Variants in BRCA2 observed in about 807,000 individuals in gnomAD.
BRCA2 encodes breast cancer type 2 susceptibility protein.
In BRCA2, 203 loss-of-function variants were observed where a neutral mutation model predicts 276.7. That is an observed-to-expected ratio of 0.73 (90% CI 0.65 to 0.82). BRCA2 has a LOEUF of 0.82. Among genes scored for constraint, BRCA2 ranks in the 40% least tolerant of loss-of-function variants. BRCA2 has a pLI of 0.00. For missense variants in BRCA2, 3,920 were observed against 3,915.0 expected, an observed-to-expected ratio of 1.00 and a Z score of -0.03; for synonymous variants, 1,289 against 1,338.4, an observed-to-expected ratio of 0.96 and a Z score of 0.81.
In BRCA2 at chr13:32,357,833, A is replaced by C; in HGVS notation, c.7709A>C (p.Lys2570Thr). 1 of 1,614,042 alleles carries C rather than the reference A, an allele frequency of 6.2e-7. No homozygotes were observed. Among genetic ancestry groups the C allele is most frequent in the South Asian group, 1.1e-5 (1 of 91,074 alleles). The change falls in exon 16 of 27, where the codon AAG becomes ACG. Residue 2570 changes from lysine to threonine, a missense_variant. Physicochemically the swap from Lys to Thr is moderately conservative, Grantham distance 78. This residue lies in a region of BRCA2 where 3,263 missense variants were observed against 3,156.9 expected (regional missense o/e 1.03). Coordinates refer to ENST00000380152, the MANE Select transcript of BRCA2 (RefSeq NM_000059.4). ...TTTCACACTGAAGATTATTTTGGTA[A>C]GGAAAGTTTATGGACTGGAAAAGGA... is the stretch of plus-strand genomic sequence containing the variant. ...FQFHTEDYFG[K>T]ESLWTGKGIQ...
In BRCA2 at chr13:32,338,288, A is replaced by G. The variant is rs2137501366; in HGVS notation, c.3933A>G (p.Glu1311=). The G allele has an allele frequency of 1.3e-6, 2 of 1,573,966 alleles. No homozygotes were observed. Among genetic ancestry groups the G allele is most frequent in the Non-Finnish European group, 1.7e-6 (2 of 1,162,378 alleles). Residue 1311 remains glutamate, a synonymous_variant, in exon 11 of 27, where the codon GAA becomes GAG. Coordinates refer to ENST00000380152, the MANE Select transcript of BRCA2 (RefSeq NM_000059.4). ...TTGTFVEEIT[E]NYKRNTENED... The stretch of plus-strand genomic sequence containing the variant: ...GCACTTTTGTTGAAGAAATTACTGA[A>G]AATTACAAGAGAAATACTGAAAATG...
chr13:32,362,293 A>G (rs1369764783), intron 16 of BRCA2, among the ~76,000 whole-genome samples: 2 of 152,110 alleles, frequency 1.3e-5, no homozygotes, highest in African/African-American at 4.8e-5. Context: ...GCTTCCCAAA[A>G]TGCTGGGAGT....
At chr13:32,396,877 C>T (rs1313499365) in intron 25 of BRCA2, 21 bp from the exon 26 acceptor site, 1 of 1,613,810 alleles carries the variant, frequency 6.2e-7, no homozygotes, top group East Asian at 2.2e-5. Flanking sequence ...TATAAAGCAG[C>T]TTTTCCACTT....
rs1064795908 is a variant in BRCA2, at chr13:32,337,470, CCTA to C, written c.3119_3121del (p.Thr1040del). On this transcript the variant is annotated inframe_deletion, in exon 11 of 27. Transcript: ENST00000380152. ...CTTCAAAGATATTGAAGAACAATAT[CCTA>C]CTAGTTTAGCTTGTGTTGAAATTGT... 2 of 1,612,062 alleles carry C rather than the reference CCTA, an allele frequency of 1.2e-6. No individual in the cohort carries two copies. The highest frequency in any genetic ancestry group is 2.7e-5 in the African/African-American group (2 of 74,924).
rs1476681505 is a variant in BRCA2 at position 32,398,175 on chromosome 13, A to C, written c.9662A>C (p.Asn3221Thr). 8 of 1,609,612 alleles carry C rather than the reference A, an allele frequency of 5.0e-6. No homozygotes were observed. The highest frequency in any genetic ancestry group is 6.8e-6 in the Non-Finnish European group (8 of 1,177,658). Residue 3221 changes from asparagine (N) to threonine (T), a missense_variant, in exon 27 of 27, where the codon AAT becomes ACT. Around this residue, in one of 2 missense-constraint regions of BRCA2, gnomAD observed 657 missense variants for 758.2 expected, o/e 0.87. Transcript: ENST00000380152. ...TGNKLLMSSP[N>T]CEIYYQSPLS... ...TTTTTTTATCAGATGTCTTCTCCTAATTGTGAGATATATTATCAAAGTCCT... is the reference window on the plus strand; with the variant it reads ...TTTTTTTATCAGATGTCTTCTCCTACTTGTGAGATATATTATCAAAGTCCT...
rs80358983 is a variant in BRCA2 at position 32,356,553 on chromosome 13, A to G, written c.7561A>G (p.Ile2521Val). Residue 2521 changes from isoleucine to valine, a missense_variant, in exon 15 of 27, where the codon ATC (isoleucine) becomes GTC (valine). Physicochemically the swap from Ile to Val is conservative, Grantham distance 29 (BLOSUM62 3). Transcript: ENST00000380152. The part of the protein sequence containing the change: ...YLAKTSTLPR[I>V]SLKAAVGGQV... ...TGCAAAAACATCCACTCTGCCTCGA[A>G]TCTCTCTGAAAGCAGCAGTAGGAGG... 1 of 1,614,202 alleles carries G rather than the reference A, an allele frequency of 6.2e-7. No individual in the cohort carries two copies. The highest frequency in any genetic ancestry group is 8.5e-7 in the Non-Finnish European group (1 of 1,180,032).
In BRCA2 at chr13:32,379,368, T is replaced by C. The variant is rs80359137; in HGVS notation, c.8806T>C (p.Leu2936=). Residue 2936 remains leucine, a synonymous_variant, in exon 22 of 27, where the codon TTG becomes CTG. Transcript: ENST00000380152. ...LRALNNHRQM[L]NDKKQAQIQL... is the part of the protein sequence containing the mutation. ...AGCCTTGAATAATCACAGGCAAATG[T>C]TGAATGATAAGAAACAAGCTCAGAT... 6.2e-7 allele frequency: 1 copy of C among 1,613,844 alleles called. No homozygotes were observed. The highest frequency in any genetic ancestry group is 8.5e-7 in the Non-Finnish European group (1 of 1,179,862).
intron 8 of BRCA2, among the ~76,000 whole-genome samples, chr13:32,330,665 T>C (rs1323137254): frequency 6.6e-6 from 1 of 152,214 alleles, no homozygotes. Flanking sequence ...AGTTTTTTTT[T>C]CTCCATTTCC....
intron 18 of BRCA2, among the ~76,000 whole-genome samples, chr13:32,367,320 C>T (rs561066096): frequency 2.0e-4 from 31 of 151,914 alleles, no homozygotes; most frequent in African/African-American, 6.5e-4. Flanking sequence ...TCTGTAATCC[C>T]AGCTATTTGG....
intron 24 of BRCA2, among the ~76,000 whole-genome samples, chr13:32,390,577 T>G (rs181580584): frequency 5.3e-5 from 8 of 152,334 alleles, no homozygotes; most frequent in Non-Finnish European, 1.2e-4. Flanking sequence ...TCTCCCCCTC[T>G]TGATGAATTT....
At chr13:32,343,996 C>T (rs940805269) in intron 11 of BRCA2, among the ~76,000 whole-genome samples, 16 of 151,842 alleles carry the variant, frequency 1.1e-4, no homozygotes, top group Non-Finnish European at 1.9e-4. Flanking sequence ...AAATGCCTAC[C>T]TTGAATTATG....
At position 32,319,062 on chromosome 13, in the gene BRCA2, T is replaced by G; in HGVS notation, c.68-15T>G. 1 of 1,610,746 alleles carries G rather than the reference T, an allele frequency of 6.2e-7. No individual in the cohort carries two copies. The highest frequency in any genetic ancestry group is 8.5e-7 in the Non-Finnish European group (1 of 1,178,860). ...TCACTGGTTAAAACTAAGGTGGGAT[T>G]TTTTTTTTAAATAGATTTAGGACCA... On this transcript the variant is annotated splice_polypyrimidine_tract_variant and intron_variant, in intron 2 of 26. Transcript: ENST00000380152.
At chr13:32,341,649 G>A (rs1296720007) in intron 11 of BRCA2, among the ~76,000 whole-genome samples, 3 of 151,450 alleles carry the variant, frequency 2.0e-5, no homozygotes, top group Non-Finnish European at 4.4e-5. Context: ...GGCGGATCAC[G>A]AGGTCAGGAG....
rs9567600 is a variant in BRCA2, at chr13:32,359,789, A to G, written c.7805+1860A>G. 0.22 allele frequency among the ~76,000 whole-genome samples: 33,703 copies of G among 152,192 alleles called. 3,851 individuals carry two copies. The highest frequency in any genetic ancestry group is 0.4 in the East Asian group (2,048 of 5,172). On this transcript the variant is annotated intron_variant, in intron 16 of 26. Transcript: ENST00000380152. ...TAGAAGTTAAGAATGATTGCCCTGT[A>G]GTCTAAGTGGAAATGTGGAGGCTTT...
intron 19 of BRCA2, among the ~76,000 whole-genome samples, 199 bp from the exon 20 acceptor site, chr13:32,370,757 C>G (rs1401583713): frequency 1.3e-5 from 2 of 152,088 alleles, no homozygotes; most frequent in African/African-American, 4.8e-5. Flanking sequence ...CCACACCTGG[C>G]TAATTTTGTA....
intron 10 of BRCA2, among the ~76,000 whole-genome samples, chr13:32,333,749 C>T (rs1181172145): frequency 1.3e-5 from 2 of 152,106 alleles, no homozygotes; most frequent in African/African-American, 2.4e-5. Context: ...GCTATTTTTC[C>T]TGGTGCTCTC....
rs1566245842 is a variant in BRCA2, at chr13:32,363,490, A to T, written c.8288A>T (p.Asp2763Val). Residue 2763 changes from aspartate to valine, a missense_variant, in exon 18 of 27, where the codon GAT (aspartate) becomes GTT (valine). Around this residue, in one of 2 missense-constraint regions of BRCA2, gnomAD observed 3,263 missense variants for 3,156.9 expected, o/e 1.03. Transcript: ENST00000380152. ...GGAGCAGAACTGGTGGGCTCTCCTG[A>T]TGCCTGTACACCTCTTGAAGCCCCA... Reference protein sequence around the residue: ...LHGAELVGSPDACTPLEAPES... With the variant: ...LHGAELVGSPVACTPLEAPES... 1 of 1,614,110 alleles carries T rather than the reference A, an allele frequency of 6.2e-7. No individual in the cohort carries two copies. The highest frequency in any genetic ancestry group is 8.5e-7 in the Non-Finnish European group (1 of 1,179,998).
chr13:32,397,805 C>G (rs912111658), intron 26 of BRCA2, among the ~76,000 whole-genome samples: 2 of 152,002 alleles, frequency 1.3e-5, no homozygotes, highest in African/African-American at 2.4e-5. Flanking sequence ...GTATTAGAAC[C>G]CAGATAGTGT....
chr13:32,395,007 C>T (rs908731102), intron 25 of BRCA2, 74 bp downstream of exon 25: 1 of 1,587,254 alleles, frequency 6.3e-7, no homozygotes, highest in South Asian at 1.1e-5. Context: ...AAGGAAATAG[C>T]TTTTATACAA....
Sources: gnomAD v4.1 joint callset for allele counts (sites outside exome capture counted in the v4.1 genomes callset) on GRCh38, gnomAD v4.1.1 for gene constraint, gnomAD v4.1.1 regional missense constraint, MANE v1.5 for transcripts, NCBI Gene and HGNC (gene_info 2026-07-23, HGNC 2026-07-21) for gene names.